The following ZBTB20 variants were observed in gnomAD, a reference collection of about 807,000 sequenced individuals.
ZBTB20 encodes zinc finger and BTB domain containing 20, also known as zinc finger and BTB domain-containing protein 20.
Under a neutral mutation model 56.9 loss-of-function variants are expected in ZBTB20, and 9 were observed. The observed-to-expected ratio is 0.16, with a 90% CI of 0.10 to 0.28. The LOEUF (loss-of-function observed/expected upper bound fraction) is 0.28, where lower values mean the gene tolerates loss of function less well. Ranked by LOEUF, ZBTB20 falls within the 10% of genes least tolerant of loss-of-function variation. The pLI, the probability that ZBTB20 is intolerant of heterozygous loss-of-function variation, is 1.00. For synonymous variants in ZBTB20, 417 were observed against 420.7 expected (o/e 0.99, Z 0.11); for missense variants, 655 against 1,003.0 (o/e 0.65, Z 4.69).
chr3:114,683,556 T>G (rs2062121291), intron 6 of ZBTB20, among the ~76,000 whole-genome samples: 1 of 152,122 alleles, frequency 6.6e-6, no homozygotes, highest in African/African-American at 2.4e-5. Flanking sequence ...TTGACAATAA[T>G]AAGGATTGGC....
At chr3:115,141,778 A>T (rs1376075419) in intron 1 of ZBTB20, among the ~76,000 whole-genome samples, 1 of 152,226 alleles carries the variant, frequency 6.6e-6, no homozygotes, top group Non-Finnish European at 1.5e-5. Context: ...GACTGTGTCT[A>T]GCCAATAACA....
rs555762137 is a variant in ZBTB20 at position 114,410,426 on chromosome 3, C to T, written c.-254-21321G>A. 5.6e-4 allele frequency among the ~76,000 whole-genome samples: 85 copies of T among 151,974 alleles called. 1 individual carries two copies. The highest frequency in any genetic ancestry group is 5.2e-4 in the Non-Finnish European group (35 of 67,940). On this transcript the variant is annotated intron_variant, in intron 7 of 11. Coordinates refer to ENST00000675478, the MANE Select transcript of ZBTB20 (RefSeq NM_001348800.3). ...AGAGGAAAAGGACATTAGAGAGAAA[C>T]GAGGGAAAAACTAAGAAATTAAATA...
chr3:114,964,716 T>C (rs148376557), intron 3 of ZBTB20, among the ~76,000 whole-genome samples: 245 of 152,146 alleles, frequency 1.6e-3, no homozygotes, highest in Middle Eastern at 3.4e-3. Context: ...GGAAGAGATA[T>C]GGGAGTTTGG....
intron 6 of ZBTB20, among the ~76,000 whole-genome samples, chr3:114,680,366 T>A (rs1489582350): frequency 6.6e-6 from 1 of 152,180 alleles, no homozygotes; most frequent in African/African-American, 2.4e-5. Flanking sequence ...TATAACAGTA[T>A]CTATTTCACT....
intron 7 of ZBTB20, among the ~76,000 whole-genome samples, chr3:114,474,434 C>T (rs1320874466): frequency 2.6e-5 from 4 of 152,180 alleles, no homozygotes; most frequent in Non-Finnish European, 5.9e-5. Context: ...CTGCAAGCAG[C>T]CAAAATTGGT....
chr3:114,981,174 C>T (rs1458583134), intron 2 of ZBTB20, among the ~76,000 whole-genome samples: 1 of 151,774 alleles, frequency 6.6e-6, no homozygotes, highest in Non-Finnish European at 1.5e-5. Context: ...CAATAAAAAC[C>T]CCTTGCTTTC....
intron 8 of ZBTB20, among the ~76,000 whole-genome samples, chr3:114,385,919 G>A (rs1357341965): frequency 2.0e-5 from 3 of 152,168 alleles, no homozygotes; most frequent in Non-Finnish European, 4.4e-5. Flanking sequence ...TAGATTTTGG[G>A]TAGGGGCAAA....
chr3:114,593,498 C>T (rs1309401940), intron 6 of ZBTB20, among the ~76,000 whole-genome samples: 2 of 151,128 alleles, frequency 1.3e-5, no homozygotes, highest in African/African-American at 4.9e-5. Flanking sequence ...GATTCTCTTG[C>T]CTCAGCCTCC....
chr3:114,591,305 C>G (rs1047495704), intron 6 of ZBTB20, among the ~76,000 whole-genome samples: 5 of 152,154 alleles, frequency 3.3e-5, no homozygotes, highest in African/African-American at 7.2e-5. Flanking sequence ...ATACATTCCA[C>G]TATTATAGCT....
chr3:115,045,634 CA>C (rs1016905480), intron 2 of ZBTB20, among the ~76,000 whole-genome samples: 1 of 151,110 alleles, frequency 6.6e-6, no homozygotes, highest in African/African-American at 2.4e-5. Context: ...TTCTTCAGAA[CA>C]GCACTAACAT....
rs35607205 is a variant in ZBTB20 at position 115,118,703 on chromosome 3, A to ATTTTTTTTTTTTTT, written c.-703+28502_-703+28515dup. ...GGACCTAAAACTTTACCTGGTACAA[A>ATTTTTTTTTTTTTT]TTTTTTTTTTTTTTTTTTTTTTTTT... On this transcript the variant is annotated intron_variant, in intron 1 of 11. Coordinates refer to ENST00000675478, the MANE Select transcript of ZBTB20 (RefSeq NM_001348800.3). 3.0e-4 allele frequency among the ~76,000 whole-genome samples: 25 copies of ATTTTTTTTTTTTTT among 82,210 alleles called. 1 individual carries two copies. Among genetic ancestry groups the ATTTTTTTTTTTTTT allele is most frequent in the Admixed American group, 6.8e-4 (4 of 5,854 alleles). The allele number at this position is 82,210 out of a possible 152,430, so 53.9% of individuals were successfully genotyped here.
At chr3:114,508,988 A>G (rs1367182893) in intron 6 of ZBTB20, among the ~76,000 whole-genome samples, 1 of 152,174 alleles carries the variant, frequency 6.6e-6, no homozygotes, top group Non-Finnish European at 1.5e-5. Context: ...AACTAGGATA[A>G]TGGTTGGTGC....
intron 7 of ZBTB20, among the ~76,000 whole-genome samples, chr3:114,492,085 C>CTG (rs2042816398): frequency 6.6e-6 from 1 of 152,188 alleles, no homozygotes; most frequent in African/African-American, 2.4e-5. Context: ...GTGGCTCCTT[C>CTG]TGAGGGTATT....
intron 2 of ZBTB20, among the ~76,000 whole-genome samples, chr3:115,060,024 T>C (rs1328527643): frequency 2.0e-5 from 3 of 152,168 alleles, no homozygotes; most frequent in African/African-American, 4.8e-5. Context: ...ACCACTGATA[T>C]ATAAAATACT....
At chr3:114,925,087 A>G (rs1412412142) in intron 3 of ZBTB20, among the ~76,000 whole-genome samples, 1 of 149,692 alleles carries the variant, frequency 6.7e-6, no homozygotes, top group Admixed American at 6.7e-5. Context: ...GGGTTCAAGC[A>G]ATTCTCCTGC....
chr3:114,991,332 C>T (rs1282063752), intron 2 of ZBTB20, among the ~76,000 whole-genome samples: 6 of 152,106 alleles, frequency 3.9e-5, no homozygotes, highest in South Asian at 2.1e-4. Context: ...TTTCAAAGAA[C>T]ATCTTTATTT....
intron 5 of ZBTB20, among the ~76,000 whole-genome samples, chr3:114,763,871 C>T (rs2108709371): frequency 6.6e-6 from 1 of 151,942 alleles, no homozygotes; most frequent in South Asian, 2.1e-4. Context: ...GTAATCAAAC[C>T]TCTGAAGCTG....
intron 6 of ZBTB20, among the ~76,000 whole-genome samples, chr3:114,605,275 G>A (rs1250870486): frequency 6.6e-6 from 1 of 152,104 alleles, no homozygotes; most frequent in Non-Finnish European, 1.5e-5. Context: ...TGTTTGTATT[G>A]AGAATGCCAT....
chr3:114,941,695 A>G (rs746414818), intron 3 of ZBTB20, among the ~76,000 whole-genome samples: 1 of 146,316 alleles, frequency 6.8e-6, no homozygotes, highest in South Asian at 2.1e-4. Context: ...ACTACCACCA[A>G]TGTAAAATAT....
Sources: allele counts gnomAD v4.1 joint callset (sites outside exome capture counted in the v4.1 genomes callset), GRCh38; gene constraint gnomAD v4.1.1; transcripts MANE v1.5; gene names NCBI Gene and HGNC (gene_info 2026-07-23, HGNC 2026-07-21).